Variants in AGO3 observed in about 807,000 individuals in gnomAD.
The protein encoded by AGO3 is argonaute RISC catalytic component 3.
A neutral mutation model predicts 105.5 loss-of-function variants in AGO3; 16 were observed. That is an observed-to-expected ratio of 0.15 (90% CI 0.10 to 0.23). The LOEUF (loss-of-function observed/expected upper bound fraction) is 0.23. Ranked by LOEUF, AGO3 falls within the 10% of genes least tolerant of loss-of-function variation. The probability of loss-of-function intolerance (pLI) is 1.00; values close to 1 mark genes in which losing one functional copy is unlikely to be tolerated. For synonymous variants in AGO3, 340 were observed against 367.3 expected, an observed-to-expected ratio of 0.93 and a Z score of 0.85; for missense variants, 534 against 1,088.0, an observed-to-expected ratio of 0.49 and a Z score of 7.16.
At chr1:35,956,852 T>C (rs1382426328) in intron 2 of AGO3, among the ~76,000 whole-genome samples, 1 of 151,692 alleles carries the variant, frequency 6.6e-6, no homozygotes, top group Non-Finnish European at 1.5e-5. Context: ...TTCACTGTGA[T>C]GCCCACGCTG....
intron 5 of AGO3, among the ~76,000 whole-genome samples, chr1:35,978,319 A>G (rs754019626): frequency 3.3e-5 from 5 of 151,944 alleles, no homozygotes; most frequent in Non-Finnish European, 7.4e-5. Context: ...CCTCCCAAGT[A>G]GCTGGGATTA....
rs1642991433 is a variant in AGO3 at position 36,058,943 on chromosome 1, G to A, written c.*3198G>A. On this transcript the variant is annotated 3_prime_UTR_variant, in exon 19 of 19. Coordinates refer to ENST00000373191, the MANE Select transcript of AGO3 (RefSeq NM_024852.4). ...ATTCGTCTATGCTTGATCAGTGTGA[G>A]TAAAACATCTTCCTTTATCATGGGA... 1 of 152,108 alleles carries A rather than the reference G, an allele frequency of 6.6e-6. No homozygotes were observed. The highest frequency in any genetic ancestry group is 2.4e-5 in the African/African-American group (1 of 41,422). 9.4% of individuals were successfully genotyped at this position (152,108 alleles called of 1,614,324 possible). A position where few individuals can be genotyped will look rare whatever the true frequency, so the allele number is the denominator to read the frequency against.
chr1:36,014,187 C>G, intron 11 of AGO3, 139 bp downstream of exon 11: 5 of 1,114,512 alleles, frequency 4.5e-6, no homozygotes, highest in South Asian at 1.5e-5. Context: ...GAGACAGAGT[C>G]TCACTCTGTC....
At chr1:35,991,233 T>G (rs535686915) in intron 5 of AGO3, among the ~76,000 whole-genome samples, 70 of 152,170 alleles carry the variant, frequency 4.6e-4, no homozygotes, top group African/African-American at 1.6e-3. Flanking sequence ...AGGCAGAGGT[T>G]GCAGTGAGCC....
At chr1:35,978,435 G>T (rs1018763284) in intron 5 of AGO3, among the ~76,000 whole-genome samples, 3 of 152,112 alleles carry the variant, frequency 2.0e-5, no homozygotes, top group African/African-American at 7.2e-5. Flanking sequence ...CAGGTGATCC[G>T]CCTCCCTCCG....
intron 17 of AGO3, among the ~76,000 whole-genome samples, chr1:36,053,769 T>TTTTTTTA (rs1553172736): frequency 6.9e-6 from 1 of 144,334 alleles, no homozygotes; most frequent in African/African-American, 2.6e-5. Context: ...TTTTTTTTTT[T>TTTTTTTA]GAGACAGTCT....
intron 3 of AGO3, among the ~76,000 whole-genome samples, chr1:35,969,773 T>C (rs1242545970): frequency 1.3e-5 from 2 of 152,242 alleles, no homozygotes; most frequent in African/African-American, 4.8e-5. Flanking sequence ...ATACACCATA[T>C]AATATGGTTT....
At chr1:35,956,443 A>T (rs184652344) in intron 2 of AGO3, among the ~76,000 whole-genome samples, 1 of 152,296 alleles carries the variant, frequency 6.6e-6, no homozygotes, top group Admixed American at 6.5e-5. Context: ...GGAGATTGTG[A>T]TTCGTCAGCA....
At chr1:35,956,573 G>C (rs943098856) in intron 2 of AGO3, among the ~76,000 whole-genome samples, 2 of 151,518 alleles carry the variant, frequency 1.3e-5, no homozygotes, top group African/African-American at 4.8e-5. Flanking sequence ...AAAGATAGGA[G>C]AACCAGGACA....
rs1217263880 is a variant in AGO3 at position 36,065,254 on chromosome 1, T to A, written c.*9509T>A. Reference sequence around the variant, plus strand: ...GCGCTTATAACCTTAATAGTTGTATTCATTACATTTCAACATGTCCAAGGT... The same window carrying A: ...GCGCTTATAACCTTAATAGTTGTATACATTACATTTCAACATGTCCAAGGT... On this transcript the variant is annotated 3_prime_UTR_variant, in exon 19 of 19. Transcript: ENST00000373191. 7.2e-5 allele frequency: 11 copies of A among 152,208 alleles called. No individual in the cohort carries two copies. Among genetic ancestry groups the A allele is most frequent in the Admixed American group, 7.2e-4 (11 of 15,278 alleles). The allele number at this position is 152,208 out of a possible 1,614,324, so 9.4% of individuals were successfully genotyped here. A position where few individuals can be genotyped will look rare whatever the true frequency, so the allele number is the denominator to read the frequency against.
intron 2 of AGO3, among the ~76,000 whole-genome samples, chr1:35,961,124 T>C (rs1193488749): frequency 6.6e-6 from 1 of 151,250 alleles, no homozygotes; most frequent in Non-Finnish European, 1.5e-5. Context: ...TTTTTTTTTT[T>C]GTATTTTTAG....
intron 2 of AGO3, among the ~76,000 whole-genome samples, chr1:35,950,630 TAA>T (rs1646453949): frequency 6.6e-6 from 1 of 152,190 alleles, no homozygotes; most frequent in Admixed American, 6.6e-5. Context: ...TAGCTTTTGT[TAA>T]AAGAGTATGT....
rs1004533524 is a variant in AGO3 at position 36,064,471 on chromosome 1, A to G, written c.*8726A>G. 6.6e-6 allele frequency: 1 copy of G among 152,200 alleles called. No individual in the cohort carries two copies. The highest frequency in any genetic ancestry group is 6.5e-5 in the Admixed American group (1 of 15,284). The allele number at this position is 152,200 out of a possible 1,614,324, so 9.4% of individuals were successfully genotyped here. On this transcript the variant is annotated 3_prime_UTR_variant, in exon 19 of 19. Coordinates refer to ENST00000373191, the MANE Select transcript of AGO3 (RefSeq NM_024852.4). The stretch of plus-strand genomic sequence containing the variant: ...ACTTGCATTGTATTTTTACATCATG[A>G]ATTTGCTTGTTAAGAAATTTCTTTT...
Position 35,931,353 on chromosome 1 carries a change from C to T in AGO3, c.-74C>T, listed in dbSNP as rs1013384942. The T allele has an allele frequency of 1.5e-6, 2 of 1,347,822 alleles. No homozygotes were observed. Among genetic ancestry groups the T allele is most frequent in the South Asian group, 3.6e-5 (2 of 54,806 alleles). 83.5% of individuals were successfully genotyped at this position (1,347,822 alleles called of 1,614,324 possible). A position where few individuals can be genotyped will look rare whatever the true frequency, so the allele number is the denominator to read the frequency against. Reference sequence around the variant, plus strand: ...GAGTGCCCGTCGCGTCGCGCCGCGTCGCCCCCCGGGCCGCCTCCTTGCCGC... The same window carrying T: ...GAGTGCCCGTCGCGTCGCGCCGCGTTGCCCCCCGGGCCGCCTCCTTGCCGC... On this transcript the variant is annotated 5_prime_UTR_variant, in exon 1 of 19. Transcript: ENST00000373191.
At chr1:35,942,144 T>TA (rs1557642481) in intron 1 of AGO3, among the ~76,000 whole-genome samples, 1 of 152,160 alleles carries the variant, frequency 6.6e-6, no homozygotes, top group African/African-American at 2.4e-5. Flanking sequence ...AAGAGATTTT[T>TA]AAAAAAACAC....
intron 17 of AGO3, among the ~76,000 whole-genome samples, chr1:36,054,179 G>A (rs757434689): frequency 2.0e-5 from 3 of 152,106 alleles, no homozygotes; most frequent in Non-Finnish European, 2.9e-5. Flanking sequence ...AACTTCTGCT[G>A]TAGTCAGCAA....
intron 12 of AGO3, among the ~76,000 whole-genome samples, chr1:36,032,792 C>T (rs1218729790): frequency 3.0e-4 from 45 of 152,142 alleles, no homozygotes; most frequent in Admixed American, 2.6e-3. Context: ...GCGTTCAAAA[C>T]CAGCGTGGCC....
chr1:36,027,433 T>C lies in AGO3; in HGVS notation c.1591+135T>C. The stretch of plus-strand genomic sequence containing the variant: ...GTATTTAAAACCATGTATTATTACT[T>C]GAAGACAAATTAATATAGCAAACTA... On this transcript the variant is annotated intron_variant, in intron 12 of 18. Transcript: ENST00000373191. This position sits in a 1 kb window ranked among gnomAD's most constrained non-coding sequence, Gnocchi z 4.0. 1 of 880,288 alleles carries C rather than the reference T, an allele frequency of 1.1e-6. No homozygotes were observed. Among genetic ancestry groups the C allele is most frequent in the Non-Finnish European group, 1.6e-6 (1 of 624,580 alleles). 54.5% of individuals were successfully genotyped at this position (880,288 alleles called of 1,614,324 possible).
intron 14 of AGO3, among the ~76,000 whole-genome samples, chr1:36,038,074 G>A (rs1313575270): frequency 6.6e-6 from 1 of 152,056 alleles, no homozygotes; most frequent in Non-Finnish European, 1.5e-5. Context: ...AGTAATGAGT[G>A]CCACATAGTA....
Sources: gnomAD v4.1 joint callset for allele counts (sites outside exome capture counted in the v4.1 genomes callset) on GRCh38, gnomAD v4.1.1 for gene constraint, Gnocchi (gnomAD v3.1) non-coding constraint, MANE v1.5 for transcripts, NCBI Gene and HGNC (gene_info 2026-07-23, HGNC 2026-07-21) for gene names.